SLA: variants seen among roughly 807,000 people sequenced by gnomAD.
SLA encodes Src like adaptor.
SLA carries 16 observed loss-of-function variants against 30.3 expected under a neutral mutation model. The observed-to-expected ratio is 0.53, with a 90% CI of 0.36 to 0.80. SLA has a LOEUF of 0.80. Among genes scored for constraint, SLA ranks in the 30% least tolerant of loss-of-function variants. The pLI, the probability that SLA is intolerant of heterozygous loss-of-function variation, is 0.01. For synonymous variants in SLA, 143 were observed against 137.8 expected, an observed-to-expected ratio of 1.04 and a Z score of -0.26; for missense variants, 310 against 345.2, an observed-to-expected ratio of 0.90 and a Z score of 0.81.
In SLA at chr8:133,060,220, C is replaced by T. The variant is rs562377138; in HGVS notation, c.-40-20G>A. 1.9e-4 allele frequency: 305 copies of T among 1,612,906 alleles called. No homozygotes were observed. The highest frequency in any genetic ancestry group is 5.3e-4 in the South Asian group (48 of 90,898). ...CAGAGCCTGTGGTATAGGAGACAGACGGGGAAAGTCAACCGTGCCCTGAGC... is the reference window on the plus strand; with the variant it reads ...CAGAGCCTGTGGTATAGGAGACAGATGGGGAAAGTCAACCGTGCCCTGAGC... On this transcript the variant is annotated intron_variant, in intron 2 of 8. Coordinates refer to ENST00000338087, the MANE Select transcript of SLA (RefSeq NM_001045556.3).
chr8:133,068,354 G>T (rs1273468555), intron 2 of SLA, among the ~76,000 whole-genome samples: 1 of 152,192 alleles, frequency 6.6e-6, no homozygotes. Flanking sequence ...ACACTCTCAG[G>T]CTAACAGAGA....
chr8:133,097,274 A>G (rs1848567688), intron 1 of SLA, among the ~76,000 whole-genome samples: 1 of 152,240 alleles, frequency 6.6e-6, no homozygotes, highest in Non-Finnish European at 1.5e-5. Flanking sequence ...TTTGGGTAAT[A>G]TATTTCACCT....
chr8:133,056,647 C>T (rs575444449), intron 3 of SLA, among the ~76,000 whole-genome samples: 9 of 152,272 alleles, frequency 5.9e-5, no homozygotes, highest in Non-Finnish European at 1.0e-4. Flanking sequence ...AACTGCAAAA[C>T]GGAGATGATA....
intron 2 of SLA, among the ~76,000 whole-genome samples, chr8:133,073,975 G>A (rs2741211): frequency 0.43 from 65,637 of 151,848 alleles, 14,476 homozygotes; most frequent in Non-Finnish European, 0.46. Context: ...TCGGGATGGT[G>A]GATATCACCT....
At chr8:133,092,796 T>C (rs775499145) in intron 1 of SLA, among the ~76,000 whole-genome samples, 3 of 152,190 alleles carry the variant, frequency 2.0e-5, no homozygotes, top group African/African-American at 7.2e-5. Context: ...AAATGAAGGC[T>C]GAGTCAACCG....
In SLA at chr8:133,096,602, G is replaced by A. The variant is rs146219554; in HGVS notation, c.-319+5951C>T. 9.2e-5 allele frequency among the ~76,000 whole-genome samples: 14 copies of A among 152,256 alleles called. No individual in the cohort carries two copies. In the East Asian group the frequency reaches 2.7e-3, roughly 29 times the overall value. On this transcript the variant is annotated intron_variant, in intron 1 of 8. Coordinates refer to ENST00000338087, the MANE Select transcript of SLA (RefSeq NM_001045556.3). ...ATTACAGCTGTGAATGAATCGCTGT[G>A]GAAAACTGGAGCTGACCCAGAAGCT...
intron 7 of SLA, among the ~76,000 whole-genome samples, chr8:133,040,806 GAA>G (rs1587841683): frequency 1.3e-5 from 2 of 151,724 alleles, no homozygotes; most frequent in East Asian, 3.9e-4. Flanking sequence ...GGAGGGAAGA[GAA>G]AACAAAGATA....
intron 1 of SLA, among the ~76,000 whole-genome samples, chr8:133,079,503 G>C (rs1216914347): frequency 2.0e-5 from 3 of 152,010 alleles, no homozygotes; most frequent in African/African-American, 7.2e-5. Context: ...CCCAGGGGAA[G>C]CAATAAAAAG....
At chr8:133,070,640 G>A (rs1415131042) in intron 2 of SLA, among the ~76,000 whole-genome samples, 2 of 152,220 alleles carry the variant, frequency 1.3e-5, no homozygotes, top group African/African-American at 4.8e-5. Flanking sequence ...GGTCTAGCCT[G>A]TAAATCCTTT....
intron 7 of SLA, among the ~76,000 whole-genome samples, chr8:133,042,082 CG>C (rs1564106001): frequency 6.6e-6 from 1 of 151,970 alleles, no homozygotes; most frequent in African/African-American, 2.4e-5. Context: ...CCACCACACC[CG>C]GCTGTCAGTG....
chr8:133,085,716 T>C (rs1322536629), intron 1 of SLA, among the ~76,000 whole-genome samples: 1 of 152,210 alleles, frequency 6.6e-6, no homozygotes, highest in East Asian at 1.9e-4. Flanking sequence ...AAAAACCAGA[T>C]TGTAAGCATT....
intron 2 of SLA, among the ~76,000 whole-genome samples, chr8:133,067,693 T>A (rs1843220452): frequency 6.6e-6 from 1 of 151,864 alleles, no homozygotes; most frequent in Non-Finnish European, 1.5e-5. Flanking sequence ...GGAGAATCAC[T>A]TGAACCCGTG....
chr8:133,100,451 T>C (rs1849068156), intron 1 of SLA, among the ~76,000 whole-genome samples: 1 of 152,178 alleles, frequency 6.6e-6, no homozygotes, highest in African/African-American at 2.4e-5. Context: ...GCTAGACAAA[T>C]TGCACACAGC....
At chr8:133,073,432 T>C (rs1452978867) in intron 2 of SLA, among the ~76,000 whole-genome samples, 1 of 152,188 alleles carries the variant, frequency 6.6e-6, no homozygotes, top group Non-Finnish European at 1.5e-5. Flanking sequence ...CTCAGCTCAC[T>C]GCAACCTGCA....
intron 2 of SLA, among the ~76,000 whole-genome samples, chr8:133,071,811 T>C (rs1844092783): frequency 6.6e-6 from 1 of 152,162 alleles, no homozygotes; most frequent in African/African-American, 2.4e-5. Flanking sequence ...GATTTGTCCT[T>C]ATGTATTTGT....
intron 1 of SLA, chr8:133,096,224 C>G: frequency 6.2e-7 from 1 of 1,614,188 alleles, no homozygotes. Context: ...CGTGAGTGGC[C>G]CTTTCCACTA....
intron 1 of SLA, among the ~76,000 whole-genome samples, chr8:133,095,579 T>G (rs1477608039): frequency 1.3e-5 from 2 of 152,176 alleles, no homozygotes; most frequent in Admixed American, 6.5e-5. Context: ...CAGCTAGATG[T>G]GTTGAGTATT....
intron 4 of SLA, 89 bp from the exon 5 acceptor site, chr8:133,050,077 GAC>G (rs1840120299): frequency 2.3e-6 from 2 of 884,216 alleles, no homozygotes; most frequent in Non-Finnish European, 3.8e-6. Flanking sequence ...TTTAACCCAG[GAC>G]AGTTTGGAAC....
chr8:133,074,830 T>G (rs913410940), intron 2 of SLA, 23 bp downstream of exon 2: 6 of 985,010 alleles, frequency 6.1e-6, no homozygotes, highest in South Asian at 4.7e-5. Context: ...CCACCCCATC[T>G]CTGCCACATA....
Sources: allele counts gnomAD v4.1 joint callset (sites outside exome capture counted in the v4.1 genomes callset), GRCh38; gene constraint gnomAD v4.1.1; transcripts MANE v1.5; gene names NCBI Gene and HGNC (gene_info 2026-07-23, HGNC 2026-07-21).